The following ZNF507 variants were observed in gnomAD, a reference collection of about 807,000 sequenced individuals.
ZNF507 encodes the protein zinc finger protein 507.
ZNF507 carries 29 observed loss-of-function variants against 80.0 expected under a neutral mutation model. The observed-to-expected ratio is 0.36, with a 90% CI of 0.27 to 0.49. The LOEUF (loss-of-function observed/expected upper bound fraction) is 0.49. Among genes scored for constraint, ZNF507 ranks in the 20% least tolerant of loss-of-function variants. The pLI is 0.98. For synonymous variants in ZNF507, 462 were observed against 422.5 expected, an observed-to-expected ratio of 1.09 and a Z score of -1.15; for missense variants, 1,081 against 1,152.2, an observed-to-expected ratio of 0.94 and a Z score of 0.90.
At chr19:32,372,760 A>G (rs1225321147) in intron 5 of ZNF507, among the ~76,000 whole-genome samples, 1 of 151,720 alleles carries the variant, frequency 6.6e-6, no homozygotes, top group Non-Finnish European at 1.5e-5. Flanking sequence ...TGAGGGATCC[A>G]CCCCCAAACA....
At chr19:32,367,147 T>C (rs1967409641) in intron 5 of ZNF507, among the ~76,000 whole-genome samples, 1 of 152,206 alleles carries the variant, frequency 6.6e-6, no homozygotes, top group South Asian at 2.1e-4. Flanking sequence ...GGAGCAGATA[T>C]GTCACATTGT....
chr19:32,353,441 C>G lies in ZNF507; in HGVS notation c.611C>G (p.Thr204Ser). The G allele has an allele frequency of 6.2e-7, 1 of 1,614,200 alleles. No homozygotes were observed. ...CCCTCCAGCTCTTTGTGTCGGAAAA[C>G]CACAGAAAGAAATGAAACCATTCCA... is the stretch of plus-strand genomic sequence containing the variant. ...VSPSSSLCRK[T>S]TERNETIPDI... Residue 204 changes from threonine (T) to serine (S), a missense_variant, in exon 3 of 7, where the codon ACC becomes AGC. Physicochemically the swap from Thr to Ser is moderately conservative, Grantham distance 58. This residue lies in a region of ZNF507 where 275 missense variants were observed against 303.9 expected (regional missense o/e 0.90). Coordinates refer to ENST00000355898, the MANE Select transcript of ZNF507 (RefSeq NM_001136156.2).
chr19:32,379,433 T>A (rs1967595544), intron 5 of ZNF507, among the ~76,000 whole-genome samples: 1 of 152,210 alleles, frequency 6.6e-6, no homozygotes, highest in African/African-American at 2.4e-5. Context: ...ACAATTTTTT[T>A]AAATATTTAA....
intron 5 of ZNF507, among the ~76,000 whole-genome samples, chr19:32,374,098 G>A (rs185339009): frequency 2.0e-5 from 3 of 151,956 alleles, no homozygotes; most frequent in East Asian, 1.9e-4. Context: ...CCATCCTGTC[G>A]GGGGACTGAT....
intron 4 of ZNF507, chr19:32,357,236 T>G (rs561631818): frequency 6.6e-6 from 1 of 152,074 alleles, no homozygotes; most frequent in African/African-American, 2.4e-5. Flanking sequence ...GATCTTTTTA[T>G]GTACTAGTTA....
intron 5 of ZNF507, among the ~76,000 whole-genome samples, chr19:32,371,060 C>T (rs1967463735): frequency 6.6e-6 from 1 of 152,120 alleles, no homozygotes; most frequent in Admixed American, 6.5e-5. Context: ...TATTTCTGGG[C>T]CATTTATTCT....
chr19:32,359,883 A>C (rs1967298971), intron 4 of ZNF507: 1 of 152,014 alleles, frequency 6.6e-6, no homozygotes, highest in Admixed American at 6.5e-5. Context: ...AAAAGGCCTT[A>C]GGCTTTTTTT....
chr19:32,377,048 C>T (rs1371132992), intron 5 of ZNF507, among the ~76,000 whole-genome samples: 1 of 152,076 alleles, frequency 6.6e-6, no homozygotes, highest in African/African-American at 2.4e-5. Context: ...AGACTAGGAG[C>T]GTGGCCACTG....
chr19:32,356,737 T>C lies in ZNF507; in HGVS notation c.2245+4T>C. ...GATGGAAAATGTGTCCAGGAAGGTA[T>C]CTATGTATTTTGTTATGCAGGCTGC... On this transcript the variant is annotated splice_donor_region_variant and intron_variant, in intron 4 of 6. Coordinates refer to ENST00000355898, the MANE Select transcript of ZNF507 (RefSeq NM_001136156.2). The C allele has an allele frequency of 6.2e-7, 1 of 1,610,138 alleles. No individual in the cohort carries two copies. The highest frequency in any genetic ancestry group is 8.5e-7 in the Non-Finnish European group (1 of 1,176,406).
chr19:32,353,217 TTG>T lies in ZNF507; in HGVS notation c.389_390del (p.Cys130Ter). ...GKAMSYQCSL[C>X]KFLSSSFSVL... ...AGGCTATGTCTTATCAGTGTAGCCTTTGTAAGTTTCTATCATCATCCTTTTCC... is the reference window on the plus strand; with the variant it reads ...AGGCTATGTCTTATCAGTGTAGCCTTTAAGTTTCTATCATCATCCTTTTCC... On this transcript the variant is annotated frameshift_variant, in exon 3 of 7. Coordinates refer to ENST00000355898, the MANE Select transcript of ZNF507 (RefSeq NM_001136156.2). LOFTEE classifies it high-confidence loss of function. The T allele has an allele frequency of 6.2e-7, 1 of 1,614,216 alleles. No individual in the cohort carries two copies. Among genetic ancestry groups the T allele is most frequent in the Non-Finnish European group, 8.5e-7 (1 of 1,180,048 alleles).
Position 32,382,745 on chromosome 19 carries a change from CAATT to C in ZNF507, c.2527_2530del (p.Leu843ArgfsTer23). On this transcript the variant is annotated frameshift_variant, in exon 7 of 7. Coordinates refer to ENST00000355898, the MANE Select transcript of ZNF507 (RefSeq NM_001136156.2). LOFTEE classifies it low-confidence loss of function (END_TRUNC). Reference sequence around the variant, plus strand: ...TCTGGGGAAATCCCCTGGAAAGACTCAATTAAAGAGCAGTGAAGAGAGTGCAGAT... The same window carrying C: ...TCTGGGGAAATCCCCTGGAAAGACTCAAAGAGCAGTGAAGAGAGTGCAGAT... 6.2e-7 allele frequency: 1 copy of C among 1,613,182 alleles called. No homozygotes were observed. Among genetic ancestry groups the C allele is most frequent in the South Asian group, 1.1e-5 (1 of 91,020 alleles).
Position 32,383,125 on chromosome 19 carries a change from C to A in ZNF507, c.*42C>A. 6.3e-7 allele frequency: 1 copy of A among 1,578,158 alleles called. No individual in the cohort carries two copies. Among genetic ancestry groups the A allele is most frequent in the Non-Finnish European group, 8.6e-7 (1 of 1,159,740 alleles). On this transcript the variant is annotated 3_prime_UTR_variant, in exon 7 of 7. Transcript: ENST00000355898. ...AGCAGGAAAGCAGTAGAAGAGGATT[C>A]CTTCACCACAGTTTCACCTTTACGC...
Position 32,352,980 on chromosome 19 carries a change from G to A in ZNF507, c.150G>A (p.Lys50=). ...KPDPLIHVIQ[K]LSKIVENEKS... is the part of the protein sequence containing the mutation. ...ATCCATTAATCCATGTTATCCAGAA[G>A]TTAAGCAAGATAGTGGAAAATGAAA... The change falls in exon 3 of 7, where the codon AAG becomes AAA. Residue 50 remains lysine, a synonymous_variant. Coordinates refer to ENST00000355898, the MANE Select transcript of ZNF507 (RefSeq NM_001136156.2). The A allele has an allele frequency of 8.1e-6, 13 of 1,614,098 alleles. No homozygotes were observed. The highest frequency in any genetic ancestry group is 1.1e-5 in the Non-Finnish European group (13 of 1,180,012).
chr19:32,379,611 C>T (rs879933190), intron 5 of ZNF507, among the ~76,000 whole-genome samples: 17 of 152,146 alleles, frequency 1.1e-4, no homozygotes, highest in Non-Finnish European at 1.8e-4. Context: ...ATGTATATAA[C>T]ATATGTATGT....
intron 2 of ZNF507, among the ~76,000 whole-genome samples, chr19:32,352,472 G>GTT (rs1408899215): frequency 2.3e-3 from 142 of 60,510 alleles, no homozygotes; most frequent in African/African-American, 7.7e-3. Flanking sequence ...AGGAATAGGA[G>GTT]TCTTTTTTTT....
At chr19:32,350,737 G>A (rs1353481069) in intron 2 of ZNF507, among the ~76,000 whole-genome samples, 1 of 152,134 alleles carries the variant, frequency 6.6e-6, no homozygotes, top group Non-Finnish European at 1.5e-5. Context: ...CATTTCATGG[G>A]GAAGGAGACC....
chr19:32,383,288 A>T lies in ZNF507; in HGVS notation c.*205A>T. On this transcript the variant is annotated 3_prime_UTR_variant, in exon 7 of 7. Coordinates refer to ENST00000355898, the MANE Select transcript of ZNF507 (RefSeq NM_001136156.2). ...TAATGATATTTAAATATTTTGAGTGAGGGGGAGTGGGTCAAAGAGGAAGTA... is the reference window on the plus strand; with the variant it reads ...TAATGATATTTAAATATTTTGAGTGTGGGGGAGTGGGTCAAAGAGGAAGTA... The T allele has an allele frequency of 1.6e-6, 1 of 627,272 alleles. No individual in the cohort carries two copies. Among genetic ancestry groups the T allele is most frequent in the Non-Finnish European group, 2.6e-6 (1 of 379,246 alleles). The allele number at this position is 627,272 out of a possible 1,614,324, so 38.9% of individuals were successfully genotyped here. A position where few individuals can be genotyped will look rare whatever the true frequency, so the allele number is the denominator to read the frequency against.
chr19:32,354,575 G>T lies in ZNF507; in HGVS notation c.1745G>T (p.Gly582Val). 1 of 1,614,124 alleles carries T rather than the reference G, an allele frequency of 6.2e-7. No individual in the cohort carries two copies. The highest frequency in any genetic ancestry group is 8.5e-7 in the Non-Finnish European group (1 of 1,180,012). ...QELSDGQVKT[G>V]ISMSLLTVIE... is the part of the protein sequence containing the mutation. Reference sequence around the variant, plus strand: ...TTGTCAGATGGGCAGGTTAAGACAGGCATCAGCATGTCCTTACTCACCGTC... The same window carrying T: ...TTGTCAGATGGGCAGGTTAAGACAGTCATCAGCATGTCCTTACTCACCGTC... Residue 582 changes from glycine to valine, a missense_variant, in exon 3 of 7, where the codon GGC (glycine) becomes GTC (valine). Coordinates refer to ENST00000355898, the MANE Select transcript of ZNF507 (RefSeq NM_001136156.2).
In ZNF507 at chr19:32,352,876, G is replaced by A. The variant is rs150552379; in HGVS notation, c.46G>A (p.Glu16Lys). 1.2e-5 allele frequency: 20 copies of A among 1,601,000 alleles called. No homozygotes were observed. The highest frequency in any genetic ancestry group is 1.8e-5 in the Admixed American group (1 of 56,336). The part of the protein sequence containing the change: ...SVAMLVPDIG[E>K]QEAILTAESI... Reference sequence around the variant, plus strand: ...TGCCATGTTGGTGCCAGATATTGGGGAACAGGAAGCTATACTGACTGCTGA... The same window carrying A: ...TGCCATGTTGGTGCCAGATATTGGGAAACAGGAAGCTATACTGACTGCTGA... Residue 16 changes from glutamate to lysine, a missense_variant, in exon 3 of 7, where the codon GAA becomes AAA. By Grantham distance (56) the Glu-to-Lys change is moderately conservative. Coordinates refer to ENST00000355898, the MANE Select transcript of ZNF507 (RefSeq NM_001136156.2).
Sources: gnomAD v4.1 joint callset for allele counts (sites outside exome capture counted in the v4.1 genomes callset) on GRCh38, gnomAD v4.1.1 for gene constraint, gnomAD v4.1.1 regional missense constraint, MANE v1.5 for transcripts, NCBI Gene and HGNC (gene_info 2026-07-23, HGNC 2026-07-21) for gene names.